Variants in PCDHB5 observed in about 807,000 individuals in gnomAD.
PCDHB5 encodes the protein protocadherin beta 5, also known as protocadherin beta-5.
For missense variants in PCDHB5, 1,125 were observed against 1,029.4 expected (o/e 1.09, Z -1.27); for synonymous variants, 569 against 462.2 (o/e 1.23, Z -2.96).
In PCDHB5 at chr5:141,135,711, G is replaced by A. The variant is rs782337463; in HGVS notation, c.277G>A (p.Glu93Lys). The A allele has an allele frequency of 6.2e-7, 1 of 1,614,154 alleles. No homozygotes were observed. The highest frequency in any genetic ancestry group is 1.1e-5 in the South Asian group (1 of 91,064). Residue 93 changes from glutamate (E) to lysine (K), a missense_variant, in exon 1 of 1, where the codon GAG becomes AAG. Transcript: ENST00000231134. Reference protein sequence around the residue: ...NLLLYEKLDREVMCGATEPCI... With the variant: ...NLLLYEKLDRKVMCGATEPCI... ...GCTTCTATATGAAAAACTAGACCGG[G>A]AGGTGATGTGCGGGGCGACAGAACC...
In PCDHB5 at chr5:141,136,287, G is replaced by C; in HGVS notation, c.853G>C (p.Asp285His). The change falls in exon 1 of 1, where the codon GAT becomes CAT. Residue 285 changes from aspartate to histidine, a missense_variant. Asp to His is a moderately conservative substitution (Grantham distance 81). Transcript: ENST00000231134. ...TGTAGCCTATGCTCTATTCCAAGGCGATGAAGTTACTCAACCATTTGTAAT... is the reference window on the plus strand; with the variant it reads ...TGTAGCCTATGCTCTATTCCAAGGCCATGAAGTTACTCAACCATTTGTAAT... ...GSVAYALFQG[D>H]EVTQPFVIDE... is the part of the protein sequence containing the mutation. The C allele has an allele frequency of 1.4e-5, 23 of 1,614,184 alleles. No homozygotes were observed. Among genetic ancestry groups the C allele is most frequent in the Non-Finnish European group, 1.9e-5 (23 of 1,180,028 alleles).
rs782406937 is a variant in PCDHB5 at position 141,137,865 on chromosome 5, C to CT, written c.*48dup. 5 of 1,506,394 alleles carry CT rather than the reference C, an allele frequency of 3.3e-6. No individual in the cohort carries two copies. In the Admixed American group the frequency reaches 1.1e-4, roughly 33 times the overall value. The allele number at this position is 1,506,394 out of a possible 1,614,324, so 93.3% of individuals were successfully genotyped here. A position where few individuals can be genotyped will look rare whatever the true frequency, so the allele number is the denominator to read the frequency against. On this transcript the variant is annotated 3_prime_UTR_variant, in exon 1 of 1. Coordinates refer to ENST00000231134, the MANE Select transcript of PCDHB5 (RefSeq NM_015669.5). ...GTTGTTTTCTGCCATTTATCCCAAACTTTTTCAGATCTAGAATTCGAGAGT... is the reference window on the plus strand; with the variant it reads ...GTTGTTTTCTGCCATTTATCCCAAACTTTTTTCAGATCTAGAATTCGAGAGT...
rs1554276218 is a variant in PCDHB5 at position 141,137,451 on chromosome 5, C to A, written c.2017C>A (p.Pro673Thr). ...DGFSQPYLPLPEAAPAQAQAD... is the reference protein window; with the variant it reads ...DGFSQPYLPLTEAAPAQAQAD... ...CTTCTCCCAGCCCTACCTGCCGCTG[C>A]CGGAGGCGGCCCCGGCCCAGGCCCA... Residue 673 changes from proline (P) to threonine (T), a missense_variant, in exon 1 of 1, where the codon CCG becomes ACG. Physicochemically the swap from Pro to Thr is conservative, Grantham distance 38. Coordinates refer to ENST00000231134, the MANE Select transcript of PCDHB5 (RefSeq NM_015669.5). 6.2e-7 allele frequency: 1 copy of A among 1,612,388 alleles called. No homozygotes were observed. The highest frequency in any genetic ancestry group is 1.7e-5 in the Admixed American group (1 of 59,990).
Position 141,137,198 on chromosome 5 carries a change from G to A in PCDHB5, c.1764G>A (p.Val588=), listed in dbSNP as rs782220922. ...AGCCGGGCTACCTGGTGACCAAGGT[G>A]GTGGCGGTGGACGGTGACTCGGGCC... The part of the protein sequence containing the change: ...AAEPGYLVTK[V]VAVDGDSGQN... Residue 588 remains valine, a synonymous_variant, in exon 1 of 1, where the codon GTG becomes GTA. Transcript: ENST00000231134. 19 of 1,610,966 alleles carry A rather than the reference G, an allele frequency of 1.2e-5. No homozygotes were observed. The African/African-American group carries it at 2.0e-4, about 17-fold the overall frequency.
rs547235085 is a variant in PCDHB5 at position 141,136,272 on chromosome 5, G to A, written c.838G>A (p.Ala280Thr). The A allele has an allele frequency of 1.9e-6, 3 of 1,614,188 alleles. No individual in the cohort carries two copies. In the East Asian group the frequency reaches 6.7e-5, roughly 36 times the overall value. ...DAGAYGSVAYALFQGDEVTQP... is the reference protein window; with the variant it reads ...DAGAYGSVAYTLFQGDEVTQP... ...AGGAGCATATGGGAGTGTAGCCTAT[G>A]CTCTATTCCAAGGCGATGAAGTTAC... The change falls in exon 1 of 1, where the codon GCT (alanine) becomes ACT (threonine). Residue 280 changes from alanine to threonine, a missense_variant. Ala to Thr is a moderately conservative substitution (Grantham distance 58, BLOSUM62 0). Coordinates refer to ENST00000231134, the MANE Select transcript of PCDHB5 (RefSeq NM_015669.5).
Position 141,137,051 on chromosome 5 carries a change from G to T in PCDHB5, c.1617G>T (p.Ala539=), listed in dbSNP as rs61745767. The T allele has an allele frequency of 9.1e-5, 147 of 1,611,674 alleles. 1 individual carries two copies. The highest frequency in any genetic ancestry group is 2.2e-4 in the Middle Eastern group (1 of 4,496). Residue 539 remains alanine, a synonymous_variant, in exon 1 of 1, where the codon GCG becomes GCT. Coordinates refer to ENST00000231134, the MANE Select transcript of PCDHB5 (RefSeq NM_015669.5). ...GAGCCACAGACCGCGGCTCCCCGGC[G>T]CTGAGCAGCGAGGCGCTGGTGCGCG... The part of the protein sequence containing the change: ...RVGATDRGSP[A]LSSEALVRVL...
Position 141,135,245 on chromosome 5 carries a change from C to T in PCDHB5, c.-190C>T. 2 of 559,344 alleles carry T rather than the reference C, an allele frequency of 3.6e-6. No individual in the cohort carries two copies. Among genetic ancestry groups the T allele is most frequent in the Non-Finnish European group, 6.3e-6 (2 of 318,966 alleles). The allele number at this position is 559,344 out of a possible 1,614,324, so 34.6% of individuals were successfully genotyped here. A position where few individuals can be genotyped will look rare whatever the true frequency, so the allele number is the denominator to read the frequency against. On this transcript the variant is annotated 5_prime_UTR_variant, in exon 1 of 1. Coordinates refer to ENST00000231134, the MANE Select transcript of PCDHB5 (RefSeq NM_015669.5). ...TGGGCTCTGCGGATAACTCAGACGC[C>T]ATTAAGCTGGGGAATCCAAACTCTA... is the stretch of plus-strand genomic sequence containing the variant.
chr5:141,136,098 A>G lies in PCDHB5; in HGVS notation c.664A>G (p.Arg222Gly). 2 of 1,614,176 alleles carry G rather than the reference A, an allele frequency of 1.2e-6. No homozygotes were observed. The highest frequency in any genetic ancestry group is 1.1e-5 in the South Asian group (1 of 91,074). Reference sequence around the variant, plus strand: ...TGCACTGGACGGTGGGGCTCCGCCCAGGTCCGGGACCACCACAATTCGCAT... The same window carrying G: ...TGCACTGGACGGTGGGGCTCCGCCCGGGTCCGGGACCACCACAATTCGCAT... ...LTALDGGAPP[R>G]SGTTTIRIVV... is the part of the protein sequence containing the mutation. Residue 222 changes from arginine (R) to glycine (G), a missense_variant, in exon 1 of 1, where the codon AGG (arginine) becomes GGG (glycine). Physicochemically the swap from Arg to Gly is moderately radical, Grantham distance 125. Coordinates refer to ENST00000231134, the MANE Select transcript of PCDHB5 (RefSeq NM_015669.5).
Position 141,136,931 on chromosome 5 carries a change from C to T in PCDHB5, c.1497C>T (p.Leu499=). Residue 499 remains leucine, a synonymous_variant, in exon 1 of 1, where the codon CTC becomes CTT. Transcript: ENST00000231134. ...CGCCCCAGAACCCACACCTGCGCCT[C>T]GCCTCCCTGGTCTCCATCAACGCGG... The part of the protein sequence containing the change: ...LLPPQNPHLR[L]ASLVSINADN... The T allele has an allele frequency of 1.9e-6, 3 of 1,612,630 alleles. No homozygotes were observed. Among genetic ancestry groups the T allele is most frequent in the South Asian group, 1.1e-5 (1 of 90,988 alleles).
In PCDHB5 at chr5:141,136,853, C is replaced by T. The variant is rs782525128; in HGVS notation, c.1419C>T (p.Ser473=). ...NSPALHIGSV[S]ATDRDSGTNA... The stretch of plus-strand genomic sequence containing the variant: ...CCGCCCTGCACATCGGCAGTGTCAG[C>T]GCCACAGACAGAGACTCAGGCACCA... Residue 473 remains serine (S), a synonymous_variant, in exon 1 of 1, where the codon AGC becomes AGT. Coordinates refer to ENST00000231134, the MANE Select transcript of PCDHB5 (RefSeq NM_015669.5). 1 of 1,612,978 alleles carries T rather than the reference C, an allele frequency of 6.2e-7. No individual in the cohort carries two copies. Among genetic ancestry groups the T allele is most frequent in the Admixed American group, 1.7e-5 (1 of 60,028 alleles).
rs1554276265 is a variant in PCDHB5, at chr5:141,137,604, T to G, written c.2170T>G (p.Cys724Gly). 2 of 1,613,350 alleles carry G rather than the reference T, an allele frequency of 1.2e-6. No individual in the cohort carries two copies. The highest frequency in any genetic ancestry group is 2.2e-5 in the South Asian group (2 of 91,028). The part of the protein sequence containing the change: ...RRSRAAPVGR[C>G]SVPEGPFPGH... Reference sequence around the variant, plus strand: ...GAGCAGGGCGGCCCCGGTCGGTCGCTGCTCGGTGCCCGAGGGCCCCTTTCC... The same window carrying G: ...GAGCAGGGCGGCCCCGGTCGGTCGCGGCTCGGTGCCCGAGGGCCCCTTTCC... The change falls in exon 1 of 1, where the codon TGC becomes GGC. Residue 724 changes from cysteine to glycine, a missense_variant. Physicochemically the swap from Cys to Gly is radical, Grantham distance 159. Coordinates refer to ENST00000231134, the MANE Select transcript of PCDHB5 (RefSeq NM_015669.5).
In PCDHB5 at chr5:141,136,116, A is replaced by T; in HGVS notation, c.682A>T (p.Ile228Phe). Reference protein sequence around the residue: ...GAPPRSGTTTIRIVVLDNNDN... With the variant: ...GAPPRSGTTTFRIVVLDNNDN... ...TCCGCCCAGGTCCGGGACCACCACA[A>T]TTCGCATTGTCGTCTTGGATAATAA... The change falls in exon 1 of 1, where the codon ATT (isoleucine) becomes TTT (phenylalanine). Residue 228 changes from isoleucine (I) to phenylalanine (F), a missense_variant. By Grantham distance (21) the Ile-to-Phe change is conservative (BLOSUM62 0). Coordinates refer to ENST00000231134, the MANE Select transcript of PCDHB5 (RefSeq NM_015669.5). 1.9e-6 allele frequency: 3 copies of T among 1,614,154 alleles called. No homozygotes were observed. The highest frequency in any genetic ancestry group is 2.5e-6 in the Non-Finnish European group (3 of 1,179,988).
At position 141,136,008 on chromosome 5, in the gene PCDHB5, C is replaced by T. The variant is rs1395952692; in HGVS notation, c.574C>T (p.Pro192Ser). The change falls in exon 1 of 1, where the codon CCA (proline) becomes TCA (serine). Residue 192 changes from proline (P) to serine (S), a missense_variant. Coordinates refer to ENST00000231134, the MANE Select transcript of PCDHB5 (RefSeq NM_015669.5). ...TAATCGCGGAGATGGCAGAAAATAC[C>T]CAGAGCTGGTGCTGGACAAAGCGCT... ...THNRGDGRKY[P>S]ELVLDKALDR... 1.2e-6 allele frequency: 2 copies of T among 1,614,174 alleles called. No individual in the cohort carries two copies. Among genetic ancestry groups the T allele is most frequent in the Non-Finnish European group, 1.7e-6 (2 of 1,180,022 alleles).
chr5:141,137,458 C>G lies in PCDHB5; in HGVS notation c.2024C>G (p.Ala675Gly). The G allele has an allele frequency of 6.2e-7, 1 of 1,612,416 alleles. No individual in the cohort carries two copies. The highest frequency in any genetic ancestry group is 8.5e-7 in the Non-Finnish European group (1 of 1,179,666). ...FSQPYLPLPE[A>G]APAQAQADSL... is the part of the protein sequence containing the mutation. ...CAGCCCTACCTGCCGCTGCCGGAGG[C>G]GGCCCCGGCCCAGGCCCAGGCCGAC... Residue 675 changes from alanine to glycine, a missense_variant, in exon 1 of 1, where the codon GCG becomes GGG. Coordinates refer to ENST00000231134, the MANE Select transcript of PCDHB5 (RefSeq NM_015669.5).
rs1554275888 is a variant in PCDHB5 at position 141,136,373 on chromosome 5, T to C, written c.939T>C (p.Tyr313=). 6.2e-7 allele frequency: 1 copy of C among 1,614,088 alleles called. No individual in the cohort carries two copies. Among genetic ancestry groups the C allele is most frequent in the Admixed American group, 1.7e-5 (1 of 60,016 alleles). Residue 313 remains tyrosine (Y), a synonymous_variant, in exon 1 of 1, where the codon TAT becomes TAC. Transcript: ENST00000231134. Reference sequence around the variant, plus strand: ...CATTGGATTTCGAGGCAACTCCATATTATAACGTGGAAATTGTAGCCACAG... The same window carrying C: ...CATTGGATTTCGAGGCAACTCCATACTATAACGTGGAAATTGTAGCCACAG... The part of the protein sequence containing the change: ...KRALDFEATP[Y]YNVEIVATDG...
At position 141,137,897 on chromosome 5, in the gene PCDHB5, G is replaced by C; in HGVS notation, c.*75G>C. The C allele has an allele frequency of 7.3e-7, 1 of 1,369,476 alleles. No homozygotes were observed. Among genetic ancestry groups the C allele is most frequent in the Non-Finnish European group, 1.0e-6 (1 of 1,001,184 alleles). 84.8% of individuals were successfully genotyped at this position (1,369,476 alleles called of 1,614,324 possible). Reference sequence around the variant, plus strand: ...AGATCTAGAATTCGAGAGTGTCATGGACAAAAATTTCACCTTGAGATTGAG... The same window carrying C: ...AGATCTAGAATTCGAGAGTGTCATGCACAAAAATTTCACCTTGAGATTGAG... On this transcript the variant is annotated 3_prime_UTR_variant, in exon 1 of 1. Transcript: ENST00000231134.
In PCDHB5 at chr5:141,137,637, C is replaced by A. The variant is rs782212258; in HGVS notation, c.2203C>A (p.Leu735Met). 11 of 1,613,938 alleles carry A rather than the reference C, an allele frequency of 6.8e-6. No homozygotes were observed. Among genetic ancestry groups the A allele is most frequent in the East Asian group, 6.7e-5 (3 of 44,890 alleles). The stretch of plus-strand genomic sequence containing the variant: ...GCCCGAGGGCCCCTTTCCAGGGCAT[C>A]TGGTGGACGTGAGCGGCACCGGGAC... Reference protein sequence around the residue: ...SVPEGPFPGHLVDVSGTGTLS... With the variant: ...SVPEGPFPGHMVDVSGTGTLS... Residue 735 changes from leucine (L) to methionine (M), a missense_variant, in exon 1 of 1, where the codon CTG becomes ATG. By Grantham distance (15) the Leu-to-Met change is conservative (BLOSUM62 2). Coordinates refer to ENST00000231134, the MANE Select transcript of PCDHB5 (RefSeq NM_015669.5).
At position 141,136,673 on chromosome 5, in the gene PCDHB5, A is replaced by G. The variant is rs1443938497; in HGVS notation, c.1239A>G (p.Gln413=). The G allele has an allele frequency of 6.8e-6, 11 of 1,614,196 alleles. No homozygotes were observed. Among genetic ancestry groups the G allele is most frequent in the Non-Finnish European group, 8.5e-6 (10 of 1,180,040 alleles). ...VTQRTLDRES[Q]AEYNITITVT... ...AGAGAACACTGGACAGAGAGAGCCA[A>G]GCCGAGTACAACATCACCATCACTG... is the stretch of plus-strand genomic sequence containing the variant. Residue 413 remains glutamine, a synonymous_variant, in exon 1 of 1, where the codon CAA becomes CAG. Coordinates refer to ENST00000231134, the MANE Select transcript of PCDHB5 (RefSeq NM_015669.5).
rs1563876616 is a variant in PCDHB5, at chr5:141,137,777, A to C, written c.2343A>C (p.Glu781Asp). The C allele has an allele frequency of 3.1e-6, 5 of 1,613,250 alleles. No individual in the cohort carries two copies. Among genetic ancestry groups the C allele is most frequent in the Non-Finnish European group, 4.2e-6 (5 of 1,179,564 alleles). The part of the protein sequence containing the change: ...PNLLPQGAGE[E>D]IGKTAAFRNS... ...TTTTGCCCCAGGGCGCTGGTGAAGAAATAGGGAAAACTGCTGCCTTCCGGA... is the reference window on the plus strand; with the variant it reads ...TTTTGCCCCAGGGCGCTGGTGAAGACATAGGGAAAACTGCTGCCTTCCGGA... The change falls in exon 1 of 1, where the codon GAA (glutamate) becomes GAC (aspartate). Residue 781 changes from glutamate to aspartate, a missense_variant. Glu to Asp is a conservative substitution (Grantham distance 45). Transcript: ENST00000231134.
Sources: allele counts gnomAD v4.1 joint callset, GRCh38; gene constraint gnomAD v4.1.1; transcripts MANE v1.5; gene names NCBI Gene and HGNC (gene_info 2026-07-23, HGNC 2026-07-21).